The following STK39 variants were observed in gnomAD, a reference collection of about 807,000 sequenced individuals.
The protein encoded by STK39 is STE20/SPS1-related proline-alanine-rich protein kinase.
Under a neutral mutation model 77.8 loss-of-function variants are expected in STK39, and 20 were observed. The ratio of observed to expected loss-of-function variants is 0.26; its 90% confidence interval spans 0.18 to 0.37. STK39 has a LOEUF of 0.37. STK39 is among the 10% of genes least tolerant of loss of function. The pLI is 1.00. For missense variants in STK39, 479 were observed against 656.5 expected (o/e 0.73, Z 2.95); for synonymous variants, 246 against 234.1 (o/e 1.05, Z -0.47).
At chr2:168,091,957 CTAATA>C (rs1228120920) in intron 10 of STK39, among the ~76,000 whole-genome samples, 1 of 152,194 alleles carries the variant, frequency 6.6e-6, no homozygotes, top group East Asian at 1.9e-4. Context: ...TCCTTAGAAT[CTAATA>C]TCAGTCTACG....
intron 16 of STK39, among the ~76,000 whole-genome samples, chr2:167,993,095 C>T (rs1160373187): frequency 1.3e-5 from 2 of 152,194 alleles, no homozygotes; most frequent in Non-Finnish European, 1.5e-5. Context: ...ATAAAAGCAA[C>T]GTAATAAGTT....
chr2:168,162,388 T>A (rs1297942141), intron 4 of STK39, among the ~76,000 whole-genome samples: 1 of 151,946 alleles, frequency 6.6e-6, no homozygotes, highest in Non-Finnish European at 1.5e-5. Flanking sequence ...ATATTTTCTA[T>A]GAAATAATTA....
intron 2 of STK39, among the ~76,000 whole-genome samples, chr2:168,170,623 G>C (rs1478680813): frequency 2.6e-5 from 4 of 152,196 alleles, no homozygotes; most frequent in African/African-American, 9.6e-5. Context: ...CCAGAAACCA[G>C]ACTTTGAGTG....
intron 16 of STK39, among the ~76,000 whole-genome samples, chr2:167,968,767 C>G (rs958756215): frequency 6.6e-6 from 1 of 152,084 alleles, no homozygotes; most frequent in Non-Finnish European, 1.5e-5. Context: ...GGAGATGGTA[C>G]GAGGGTAGGT....
chr2:168,099,077 T>C (rs1574463759), intron 10 of STK39, among the ~76,000 whole-genome samples: 1 of 152,300 alleles, frequency 6.6e-6, no homozygotes, highest in African/African-American at 2.4e-5. Context: ...CTATCTACAA[T>C]TGCCTCCAGC....
chr2:167,981,406 A>G (rs1035187810), intron 16 of STK39, among the ~76,000 whole-genome samples: 22 of 152,210 alleles, frequency 1.4e-4, no homozygotes, highest in African/African-American at 5.1e-4. Context: ...TACTTCTCCC[A>G]TTCTTGATGG....
At chr2:168,235,952 T>C (rs1690594274) in intron 1 of STK39, among the ~76,000 whole-genome samples, 1 of 152,056 alleles carries the variant, frequency 6.6e-6, no homozygotes, top group African/African-American at 2.4e-5. Context: ...TGATTTATAA[T>C]CCTTTGGGTA....
At chr2:167,997,487 T>C (rs72885771) in intron 16 of STK39, among the ~76,000 whole-genome samples, 49,236 of 151,904 alleles carry the variant, frequency 0.32, 8,826 homozygotes, top group Non-Finnish European at 0.4. Context: ...TCATAACCAT[T>C]CCATGAGTTA....
At chr2:168,018,544 AAG>A (rs1684482806) in intron 14 of STK39, among the ~76,000 whole-genome samples, 1 of 119,854 alleles carries the variant, frequency 8.3e-6, no homozygotes, top group Non-Finnish European at 1.8e-5. Flanking sequence ...AAAGAAAAGA[AAG>A]AAAGAAAGAA....
intron 10 of STK39, among the ~76,000 whole-genome samples, chr2:168,126,170 ACTGT>A (rs1186333773): frequency 2.0e-5 from 3 of 152,172 alleles, no homozygotes; most frequent in Admixed American, 6.5e-5. Flanking sequence ...GTGTCAATGG[ACTGT>A]CTGTTTCTCT....
At chr2:168,083,997 G>C (rs1686305148) in intron 10 of STK39, among the ~76,000 whole-genome samples, 1 of 151,156 alleles carries the variant, frequency 6.6e-6, no homozygotes, top group Non-Finnish European at 1.5e-5. Context: ...ATTTTTATGT[G>C]AATGCTCTTG....
intron 14 of STK39, 93 bp from the exon 15 acceptor site, chr2:168,017,188 T>C: frequency 1.3e-6 from 1 of 770,152 alleles, no homozygotes; most frequent in Non-Finnish European, 2.0e-6. Context: ...GCTACTAACA[T>C]GTGGATAACA....
intron 1 of STK39, among the ~76,000 whole-genome samples, chr2:168,214,601 A>C (rs955017245): frequency 2.6e-5 from 4 of 152,218 alleles, no homozygotes; most frequent in African/African-American, 7.2e-5. Context: ...CTGAATTGTT[A>C]ATCTTAAATG....
intron 17 of STK39, among the ~76,000 whole-genome samples, chr2:167,961,809 C>A (rs1691967589): frequency 6.6e-6 from 1 of 152,184 alleles, no homozygotes; most frequent in Non-Finnish European, 1.5e-5. Context: ...CCAGGCTGCA[C>A]CAAGAGCAGT....
intron 5 of STK39, among the ~76,000 whole-genome samples, chr2:168,145,535 CT>C (rs2105543822): frequency 1.3e-5 from 2 of 152,192 alleles, no homozygotes; most frequent in East Asian, 3.9e-4. Flanking sequence ...ACATTGGAAT[CT>C]TTATGAAAAA....
In STK39 at chr2:168,059,654, G is replaced by A. The variant is rs546405535; in HGVS notation, c.1376+3846C>T. Among the ~76,000 whole-genome samples the A allele has an allele frequency of 3.3e-5, 5 of 152,298 alleles. No individual in the cohort carries two copies. In the South Asian group the frequency reaches 1.0e-3, roughly 32 times the overall value. ...ATTTCAGCCTGCGAGACACTGAGCA[G>A]ACTATCCCACTCAACTGTACCCGGA... On this transcript the variant is annotated intron_variant, in intron 14 of 17. Transcript: ENST00000355999.
At chr2:168,167,589 CAGATT>C (rs1288956934) in intron 2 of STK39, among the ~76,000 whole-genome samples, 182 bp from the exon 3 acceptor site, 2 of 152,272 alleles carry the variant, frequency 1.3e-5, no homozygotes, top group African/African-American at 4.8e-5. Flanking sequence ...ATTATCAACT[CAGATT>C]AGAAAGTTCT....
intron 5 of STK39, among the ~76,000 whole-genome samples, chr2:168,156,499 CAGG>C (rs1688432254): frequency 6.6e-6 from 1 of 152,312 alleles, no homozygotes. Context: ...AATAACACGG[CAGG>C]AGGTCAGATG....
intron 14 of STK39, among the ~76,000 whole-genome samples, chr2:168,018,594 G>T (rs536985303): frequency 7.2e-4 from 107 of 148,330 alleles, no homozygotes; most frequent in African/African-American, 2.0e-3. Flanking sequence ...AAGAAAGAAA[G>T]AAAGAAATTG....
Sources: allele counts gnomAD v4.1 joint callset (sites outside exome capture counted in the v4.1 genomes callset), GRCh38; gene constraint gnomAD v4.1.1; transcripts MANE v1.5; gene names NCBI Gene and HGNC (gene_info 2026-07-23, HGNC 2026-07-21).